PRKN: variants seen among roughly 807,000 people sequenced by gnomAD.
PRKN encodes the protein E3 ubiquitin-protein ligase parkin.
PRKN carries 56 observed loss-of-function variants against 59.5 expected under a neutral mutation model. The observed-to-expected ratio is 0.94, with a 90% CI of 0.76 to 1.18. The LOEUF is 1.18. PRKN is among the 50% of genes most tolerant of loss of function. The pLI is 0.00. For missense variants in PRKN, 657 were observed against 596.4 expected, an observed-to-expected ratio of 1.10 and a Z score of -1.06; for synonymous variants, 250 against 222.1, an observed-to-expected ratio of 1.13 and a Z score of -1.12.
intron 5 of PRKN, among the ~76,000 whole-genome samples, chr6:162,003,142 T>C (rs368623929): frequency 1.4e-3 from 213 of 148,936 alleles, no homozygotes; most frequent in African/African-American, 5.1e-3. Flanking sequence ...AGTTGATCAA[T>C]GGCTGCAATG....
intron 6 of PRKN, among the ~76,000 whole-genome samples, chr6:161,840,710 G>T (rs751178375): frequency 4.5e-4 from 69 of 152,004 alleles, no homozygotes; most frequent in Non-Finnish European, 1.8e-4. Flanking sequence ...GTGGTATTTG[G>T]TTTTCTGTCC....
intron 4 of PRKN, among the ~76,000 whole-genome samples, chr6:162,138,072 G>A (rs934282652): frequency 6.6e-6 from 1 of 151,948 alleles, no homozygotes; most frequent in Non-Finnish European, 1.5e-5. Context: ...AGTTTAGGGA[G>A]GTTAAGGAAA....
At chr6:162,440,421 A>G (rs1001834381) in intron 2 of PRKN, among the ~76,000 whole-genome samples, 1 of 152,148 alleles carries the variant, frequency 6.6e-6, no homozygotes, top group Non-Finnish European at 1.5e-5. Flanking sequence ...AGGCACTAAA[A>G]CTAATTTCCT....
chr6:162,698,617 T>C lies in PRKN; in HGVS notation c.7+29045A>G, dbSNP rs746650338. ...GTGTGTGGACCACAGGTGCTGCAGT[T>C]GGCCCCAGGCTAAAAGCTGCAGAGA... On this transcript the variant is annotated intron_variant, in intron 1 of 11. Transcript: ENST00000366898. Among the ~76,000 whole-genome samples, 66 of 152,246 alleles carry C rather than the reference T, an allele frequency of 4.3e-4. 2 individuals carry two copies. The highest frequency in any genetic ancestry group is 5.9e-4 in the Non-Finnish European group (40 of 68,020).
intron 7 of PRKN, among the ~76,000 whole-genome samples, chr6:161,770,202 G>A (rs1030295120): frequency 1.3e-5 from 2 of 152,138 alleles, no homozygotes; most frequent in Non-Finnish European, 2.9e-5. Flanking sequence ...GCATGGGGAA[G>A]GGCTTTTGGG....
At chr6:162,355,472 T>C (rs1295136432) in intron 2 of PRKN, among the ~76,000 whole-genome samples, 1 of 151,828 alleles carries the variant, frequency 6.6e-6, no homozygotes, top group African/African-American at 2.4e-5. Flanking sequence ...ACATATATGA[T>C]TTCTGGGAGG....
rs570860806 is a variant in PRKN at position 162,563,161 on chromosome 6, A to G, written c.8-119688T>C. Among the ~76,000 whole-genome samples, 62 of 152,232 alleles carry G rather than the reference A, an allele frequency of 4.1e-4. 2 individuals carry two copies. In the South Asian group the frequency reaches 0.012, roughly 31 times the overall value. ...ACTAAGGAATACAAAAAAATTAGCC[A>G]GACGTAGTGGTGGGCGCCTGTAGTC... On this transcript the variant is annotated intron_variant, in intron 1 of 11. Coordinates refer to ENST00000366898, the MANE Select transcript of PRKN (RefSeq NM_004562.3).
At chr6:162,465,844 T>C (rs999781429) in intron 1 of PRKN, among the ~76,000 whole-genome samples, 4 of 152,204 alleles carry the variant, frequency 2.6e-5, no homozygotes, top group Non-Finnish European at 5.9e-5. Context: ...GGAGGGTATA[T>C]TGTGATATTT....
At chr6:162,552,311 A>G (rs1779363193) in intron 1 of PRKN, among the ~76,000 whole-genome samples, 1 of 152,154 alleles carries the variant, frequency 6.6e-6, no homozygotes, top group South Asian at 2.1e-4. Flanking sequence ...TTAGCAGGAA[A>G]GTGAAGGGAC....
At chr6:161,478,802 T>C (rs4709530) in intron 9 of PRKN, among the ~76,000 whole-genome samples, 118,898 of 152,224 alleles carry the variant, frequency 0.78, 46,621 homozygotes, top group Middle Eastern at 0.86. Flanking sequence ...GCTCTGATTG[T>C]GCCACTGTAC....
intron 6 of PRKN, among the ~76,000 whole-genome samples, chr6:161,882,449 C>G (rs570422497): frequency 7.5e-4 from 114 of 152,222 alleles, no homozygotes; most frequent in Non-Finnish European, 7.5e-4. Flanking sequence ...CAGCTTCCCT[C>G]CGGGCCTTCC....
At chr6:161,567,113 A>G (rs1780682486) in intron 8 of PRKN, among the ~76,000 whole-genome samples, 1 of 144,046 alleles carries the variant, frequency 6.9e-6, no homozygotes, top group African/African-American at 2.6e-5. Context: ...ATCTTGGCTC[A>G]CTGCAACCTC....
At chr6:162,050,265 T>C (rs1415562733) in intron 5 of PRKN, among the ~76,000 whole-genome samples, 2 of 152,324 alleles carry the variant, frequency 1.3e-5, no homozygotes, top group East Asian at 3.9e-4. Context: ...TTACTTTCGA[T>C]GTTTTTCTGC....
chr6:162,445,518 C>T (rs12203408), intron 1 of PRKN, among the ~76,000 whole-genome samples: 47,703 of 151,316 alleles, frequency 0.32, 7,727 homozygotes, highest in Non-Finnish European at 0.33. Context: ...GAGACCCCAT[C>T]TCTACAAAAA....
chr6:161,747,397 C>CT (rs3066567), intron 7 of PRKN, among the ~76,000 whole-genome samples: 1,583 of 145,966 alleles, frequency 0.011, 11 homozygotes, highest in East Asian at 0.037. Flanking sequence ...ATATGTTTCT[C>CT]TTTTTTTTTT....
intron 6 of PRKN, among the ~76,000 whole-genome samples, chr6:161,855,473 C>T (rs578252768): frequency 1.3e-5 from 2 of 152,284 alleles, no homozygotes; most frequent in South Asian, 4.1e-4. Context: ...TTACTTATTG[C>T]ACACATACAT....
Position 161,593,501 on chromosome 6 carries a change from G to A in PRKN, c.872-24085C>T, listed in dbSNP as rs1781799066. 6.6e-6 allele frequency among the ~76,000 whole-genome samples: 1 copy of A among 152,192 alleles called. No homozygotes were observed. Among genetic ancestry groups the A allele is most frequent in the African/African-American group, 2.4e-5 (1 of 41,458 alleles). On this transcript the variant is annotated intron_variant, in intron 7 of 11. Transcript: ENST00000366898. This position sits in a 1 kb window ranked among gnomAD's most constrained non-coding sequence, Gnocchi z 4.8. ...AGCCCAGTTAGGAGGCTCTGGCTGT[G>A]GCCTGTGGTCAGCAGTGCAGCGGTC...
chr6:161,541,954 T>G (rs1779630659), intron 9 of PRKN, among the ~76,000 whole-genome samples: 1 of 152,222 alleles, frequency 6.6e-6, no homozygotes, highest in Admixed American at 6.5e-5. Context: ...CAGCTGACCC[T>G]TGAACAACAT....
At chr6:162,221,628 T>A (rs117505638) in intron 3 of PRKN, among the ~76,000 whole-genome samples, 1 of 152,118 alleles carries the variant, frequency 6.6e-6, no homozygotes, top group Non-Finnish European at 1.5e-5. Context: ...AAGCCAAAAT[T>A]TGACATAGAC....
Sources: gnomAD v4.1 joint callset for allele counts (sites outside exome capture counted in the v4.1 genomes callset) on GRCh38, gnomAD v4.1.1 for gene constraint, Gnocchi (gnomAD v3.1) non-coding constraint, MANE v1.5 for transcripts, NCBI Gene and HGNC (gene_info 2026-07-23, HGNC 2026-07-21) for gene names.